Variants in BAALC observed in about 807,000 individuals in gnomAD.
BAALC encodes brain and acute leukemia cytoplasmic protein.
BAALC carries 9 observed loss-of-function variants against 15.5 expected under a neutral mutation model. That is an observed-to-expected ratio of 0.58 (90% CI 0.35 to 1.02). The LOEUF is 1.02. BAALC is among the 50% of genes least tolerant of loss of function. BAALC has a pLI of 0.02. For missense variants in BAALC, 201 were observed against 192.4 expected (o/e 1.04, Z -0.27); for synonymous variants, 80 against 74.6 (o/e 1.07, Z -0.37).
chr8:103,185,311 C>T (rs1811809801), intron 1 of BAALC, among the ~76,000 whole-genome samples: 1 of 152,150 alleles, frequency 6.6e-6, no homozygotes, highest in Middle Eastern at 3.4e-3. Context: ...ACTTTCTACT[C>T]ATGCAAAGAA....
chr8:103,161,919 T>C (rs1042855610), intron 1 of BAALC, among the ~76,000 whole-genome samples: 1 of 151,864 alleles, frequency 6.6e-6, no homozygotes. Flanking sequence ...TTCTGCCCTA[T>C]ATACAATCTG....
chr8:103,176,209 C>T (rs1461064248), intron 1 of BAALC, among the ~76,000 whole-genome samples: 1 of 152,110 alleles, frequency 6.6e-6, no homozygotes, highest in East Asian at 1.9e-4. Flanking sequence ...TCTACTATTT[C>T]ACAAGAAAGG....
chr8:103,146,254 G>A (rs1276448870), intron 1 of BAALC, among the ~76,000 whole-genome samples: 1 of 152,162 alleles, frequency 6.6e-6, no homozygotes, highest in Non-Finnish European at 1.5e-5. Flanking sequence ...CAGAGGAAGG[G>A]GGACTGTCCG....
intron 1 of BAALC, among the ~76,000 whole-genome samples, chr8:103,157,354 C>T (rs1234029169): frequency 6.6e-6 from 1 of 151,680 alleles, no homozygotes; most frequent in Non-Finnish European, 1.5e-5. Flanking sequence ...TATAATAAAC[C>T]CCCACGTATC....
intron 1 of BAALC, among the ~76,000 whole-genome samples, chr8:103,188,991 A>G (rs894056452): frequency 6.6e-6 from 1 of 152,250 alleles, no homozygotes; most frequent in Admixed American, 6.5e-5. Flanking sequence ...CATATGCAAT[A>G]CTATTTTTAA....
At chr8:103,149,450 A>G (rs1386455960) in intron 1 of BAALC, among the ~76,000 whole-genome samples, 3 of 152,236 alleles carry the variant, frequency 2.0e-5, no homozygotes, top group Non-Finnish European at 4.4e-5. Context: ...AATGCAGTGC[A>G]TGCTCCTAAT....
At chr8:103,152,375 C>A (rs147257348) in intron 1 of BAALC, among the ~76,000 whole-genome samples, 3 of 152,124 alleles carry the variant, frequency 2.0e-5, no homozygotes, top group Admixed American at 6.5e-5. Context: ...GCTTCCTCCC[C>A]ACACCCGCCC....
chr8:103,183,480 G>T lies in BAALC; in HGVS notation c.161-29439G>T, dbSNP rs968009002. The T allele has an allele frequency of 7.1e-6, 5 of 702,746 alleles. No individual in the cohort carries two copies. The African/African-American group carries it at 8.7e-5, about 12-fold the overall frequency. 43.5% of individuals were successfully genotyped at this position (702,746 alleles called of 1,614,324 possible). A position where few individuals can be genotyped will look rare whatever the true frequency, so the allele number is the denominator to read the frequency against. On this transcript the variant is annotated intron_variant, in intron 1 of 2. Transcript: ENST00000309982. The stretch of plus-strand genomic sequence containing the variant: ...CCACACACCATGTACAGGTAAGAGA[G>T]GGTATGGGGGGACCAGATCTGGGGA...
intron 1 of BAALC, among the ~76,000 whole-genome samples, chr8:103,149,604 G>A (rs189235039): frequency 2.1e-3 from 321 of 152,206 alleles, no homozygotes; most frequent in African/African-American, 4.6e-3. Context: ...CCGGATGGGG[G>A]GATGGGAAAA....
Position 103,140,734 on chromosome 8 carries a change from G to T in BAALC, c.-164G>T. 2 of 399,908 alleles carry T rather than the reference G, an allele frequency of 5.0e-6. No individual in the cohort carries two copies. Among genetic ancestry groups the T allele is most frequent in the Non-Finnish European group, 7.5e-6 (2 of 267,760 alleles). The allele number at this position is 399,908 out of a possible 1,614,324, so 24.8% of individuals were successfully genotyped here. A position where few individuals can be genotyped will look rare whatever the true frequency, so the allele number is the denominator to read the frequency against. On this transcript the variant is annotated 5_prime_UTR_variant, in exon 1 of 3. Transcript: ENST00000309982. This position sits in a 1 kb window ranked among gnomAD's most constrained non-coding sequence, Gnocchi z 4.2. ...GGCTGGGAGAGGGCCCGGACTAGGG[G>T]CGGCGGGCACCGCAGGAGCTCCGCG...
intron 1 of BAALC, among the ~76,000 whole-genome samples, chr8:103,206,988 A>G (rs898956705): frequency 2.0e-5 from 3 of 152,170 alleles, no homozygotes; most frequent in African/African-American, 7.2e-5. Context: ...TATTAATATA[A>G]TCGGCAAGGC....
intron 1 of BAALC, among the ~76,000 whole-genome samples, chr8:103,184,033 T>G (rs1289906012): frequency 6.6e-6 from 1 of 152,198 alleles, no homozygotes; most frequent in African/African-American, 2.4e-5. Context: ...TTTCCTTTCC[T>G]TTTCCAGCTT....
At chr8:103,204,862 T>C (rs149895445) in intron 1 of BAALC, among the ~76,000 whole-genome samples, 1 of 152,360 alleles carries the variant, frequency 6.6e-6, no homozygotes, top group African/African-American at 2.4e-5. Flanking sequence ...CCCATTCTAG[T>C]TCATTTTAAA....
At chr8:103,194,200 A>T (rs1448545907) in intron 1 of BAALC, among the ~76,000 whole-genome samples, 1 of 152,264 alleles carries the variant, frequency 6.6e-6, no homozygotes, top group East Asian at 1.9e-4. Context: ...AAGCCTATTA[A>T]ATAAATCAAC....
At chr8:103,164,365 T>C (rs950346768) in intron 1 of BAALC, among the ~76,000 whole-genome samples, 5 of 152,124 alleles carry the variant, frequency 3.3e-5, no homozygotes, top group Non-Finnish European at 7.4e-5. Flanking sequence ...TTTATTCCAG[T>C]GTCAACGGAA....
intron 1 of BAALC, among the ~76,000 whole-genome samples, chr8:103,150,181 T>C (rs1053545056): frequency 1.3e-4 from 20 of 152,284 alleles, no homozygotes; most frequent in Middle Eastern, 3.4e-3. Flanking sequence ...TTATTCACTA[T>C]TATGAGAACA....
chr8:103,143,395 C>T (rs1034391839), intron 1 of BAALC, among the ~76,000 whole-genome samples: 2 of 152,150 alleles, frequency 1.3e-5, no homozygotes, highest in Admixed American at 6.5e-5. Context: ...GCCAGAATGC[C>T]ACTTTTTCCT....
chr8:103,211,702 G>C lies in BAALC; in HGVS notation c.161-1217G>C, dbSNP rs557126181. ...TTGAGAGAGCCACTTGGAGAGCAGG[G>C]ATGGGAACTACTATTGGCCTAACTC... is the stretch of plus-strand genomic sequence containing the variant. On this transcript the variant is annotated intron_variant, in intron 1 of 2. Transcript: ENST00000309982. 2.6e-5 allele frequency among the ~76,000 whole-genome samples: 4 copies of C among 152,288 alleles called. No homozygotes were observed. The East Asian group carries it at 7.7e-4, about 29-fold the overall frequency.
chr8:103,199,023 T>C (rs924825094), intron 1 of BAALC, among the ~76,000 whole-genome samples: 14 of 152,234 alleles, frequency 9.2e-5, no homozygotes, highest in African/African-American at 3.4e-4. Context: ...TTCCATAGTC[T>C]AGATAAACCA....
Sources: allele counts gnomAD v4.1 joint callset (sites outside exome capture counted in the v4.1 genomes callset), GRCh38; gene constraint gnomAD v4.1.1; non-coding constraint Gnocchi (gnomAD v3.1); transcripts MANE v1.5; gene names NCBI Gene and HGNC (gene_info 2026-07-23, HGNC 2026-07-21).